TYW1: variants seen among roughly 807,000 people sequenced by gnomAD.
The protein encoded by TYW1 is S-adenosyl-L-methionine-dependent tRNA 4-demethylwyosine synthase TYW1.
TYW1 carries 46 observed loss-of-function variants against 96.2 expected under a neutral mutation model. The observed-to-expected ratio is 0.48, with a 90% CI of 0.38 to 0.61. The LOEUF (loss-of-function observed/expected upper bound fraction) is 0.61. Among genes scored for constraint, TYW1 ranks in the 20% least tolerant of loss-of-function variants. TYW1 has a pLI of 0.00. For synonymous variants in TYW1, 274 were observed against 323.0 expected (o/e 0.85, Z 1.63); for missense variants, 684 against 909.6 (o/e 0.75, Z 3.19).
chr7:67,034,504 A>G (rs1794772122), intron 7 of TYW1, among the ~76,000 whole-genome samples: 1 of 151,984 alleles, frequency 6.6e-6, no homozygotes, highest in African/African-American at 2.4e-5. Context: ...TAGTAACCAC[A>G]GTTTTCAGTT....
intron 11 of TYW1, among the ~76,000 whole-genome samples, chr7:67,094,823 G>GT (rs1471414399): frequency 1.3e-5 from 2 of 151,912 alleles, no homozygotes; most frequent in East Asian, 1.9e-4. Context: ...CATTCTCTTT[G>GT]TTTTTTTATT....
At chr7:67,236,496 C>A (rs1407119534) in intron 15 of TYW1, among the ~76,000 whole-genome samples, 1 of 152,192 alleles carries the variant, frequency 6.6e-6, no homozygotes, top group African/African-American at 2.4e-5. Context: ...ACCTTTGACT[C>A]TGCAGTTTCG....
In TYW1 at chr7:66,998,745, T is replaced by A. The variant is rs577921015; in HGVS notation, c.136-72T>A. Reference sequence around the variant, plus strand: ...AAATAAAATGTGTCAGTATCTGTGCTAATTTTCATCCCTGCTGAAGTTGGG... The same window carrying A: ...AAATAAAATGTGTCAGTATCTGTGCAAATTTTCATCCCTGCTGAAGTTGGG... On this transcript the variant is annotated intron_variant, in intron 2 of 15. Coordinates refer to ENST00000359626, the MANE Select transcript of TYW1 (RefSeq NM_018264.4). The A allele has an allele frequency of 1.8e-4, 285 of 1,548,650 alleles. 3 individuals carry two copies. The South Asian group carries it at 3.2e-3, about 17-fold the overall frequency.
At chr7:67,143,230 C>G (rs2116122675) in intron 13 of TYW1, among the ~76,000 whole-genome samples, 1 of 152,160 alleles carries the variant, frequency 6.6e-6, no homozygotes, top group East Asian at 1.9e-4. Context: ...ATAGTTACAA[C>G]TGGGATGTGG....
intron 10 of TYW1, among the ~76,000 whole-genome samples, chr7:67,080,940 G>GTTTTTTTTTTTTTTTT (rs71049495): frequency 5.4e-5 from 2 of 37,252 alleles, no homozygotes; most frequent in Non-Finnish European, 9.6e-5. Flanking sequence ...CTTTCTTACT[G>GTTTTTTTTTTTTTTTT]TTTTTTTTTT....
At chr7:67,161,160 A>G (rs895824499) in intron 13 of TYW1, among the ~76,000 whole-genome samples, 4 of 152,222 alleles carry the variant, frequency 2.6e-5, no homozygotes, top group Non-Finnish European at 5.9e-5. Flanking sequence ...AGCATAAAAT[A>G]CATGCTATGT....
At chr7:67,207,717 C>CTTTTTTTTTTTTTTTTTTTTTTTGTTT (rs749961615) in intron 15 of TYW1, among the ~76,000 whole-genome samples, 1 of 103,462 alleles carries the variant, frequency 9.7e-6, no homozygotes, top group Non-Finnish European at 1.9e-5. Flanking sequence ...TTTTGTTTGC[C>CTTTTTTTTTTTTTTTTTTTTTTTGTTT]TTTTTTTTTT....
At chr7:67,054,414 G>A (rs182143517) in intron 8 of TYW1, among the ~76,000 whole-genome samples, 2 of 152,306 alleles carry the variant, frequency 1.3e-5, no homozygotes, top group Admixed American at 1.3e-4. Context: ...AGAAGAACTA[G>A]AATTTCCTCT....
In TYW1 at chr7:67,158,082, ATTTTT is replaced by A. The variant is rs560215948; in HGVS notation, c.1699-25024_1699-25020del. ...CCTCTTAATTCCTTGTTTGCTGAGG[ATTTTT>A]TTTTTTTTTTTTTTTTTTTGTGATG... On this transcript the variant is annotated intron_variant, in intron 13 of 15. Transcript: ENST00000359626. 3.0e-3 allele frequency among the ~76,000 whole-genome samples: 306 copies of A among 102,160 alleles called. 3 individuals carry two copies. The East Asian group carries it at 0.049, about 16-fold the overall frequency. The allele number at this position is 102,160 out of a possible 152,430, so 67.0% of individuals were successfully genotyped here. A position where few individuals can be genotyped will look rare whatever the true frequency, so the allele number is the denominator to read the frequency against.
rs1584559434 is a variant in TYW1 at position 67,099,323 on chromosome 7, C to T, written c.1562+605C>T. ...CTGGCATTACAGGTGTGAGCCACTGCGCCTGGCCTAATTTTTATCTTTATG... is the reference window on the plus strand; with the variant it reads ...CTGGCATTACAGGTGTGAGCCACTGTGCCTGGCCTAATTTTTATCTTTATG... On this transcript the variant is annotated intron_variant, in intron 12 of 15. Transcript: ENST00000359626. Among the ~76,000 whole-genome samples the T allele has an allele frequency of 3.3e-5, 5 of 152,156 alleles. No homozygotes were observed. The South Asian group carries it at 8.3e-4, about 25-fold the overall frequency.
At chr7:67,031,192 C>CAAAA (rs60531853) in intron 7 of TYW1, among the ~76,000 whole-genome samples, 352 of 107,496 alleles carry the variant, frequency 3.3e-3, no homozygotes, top group Middle Eastern at 5.3e-3. Context: ...GACTCCATCT[C>CAAAA]AAAAAAAAAA....
intron 9 of TYW1, among the ~76,000 whole-genome samples, chr7:67,065,746 G>A (rs1702332914): frequency 6.6e-6 from 1 of 151,560 alleles, no homozygotes; most frequent in African/African-American, 2.4e-5. Context: ...TTGTGGACAG[G>A]CTTATATTAA....
Position 67,055,878 on chromosome 7 carries a change from G to A in TYW1, c.1146G>A (p.Arg382=). ...IGSHSGVKLC[R]WTKSMLRGRG... is the part of the protein sequence containing the mutation. The stretch of plus-strand genomic sequence containing the variant: ...GCCACTCGGGGGTGAAGCTTTGCAG[G>A]TGGACAAAGGTATTTTTTTTGTTTT... The change falls in exon 9 of 16, where the codon AGG becomes AGA. Residue 382 remains arginine (R), a synonymous_variant. Coordinates refer to ENST00000359626, the MANE Select transcript of TYW1 (RefSeq NM_018264.4). The A allele has an allele frequency of 6.2e-7, 1 of 1,612,514 alleles. No homozygotes were observed. Among genetic ancestry groups the A allele is most frequent in the Non-Finnish European group, 8.5e-7 (1 of 1,179,232 alleles).
At chr7:67,131,704 A>C (rs560336302) in intron 13 of TYW1, among the ~76,000 whole-genome samples, 1 of 152,340 alleles carries the variant, frequency 6.6e-6, no homozygotes, top group African/African-American at 2.4e-5. Flanking sequence ...GTCATCTGCA[A>C]GCTGAGGTGC....
chr7:67,167,489 AAAAAAG>A (rs1799377323), intron 13 of TYW1, among the ~76,000 whole-genome samples: 1 of 146,754 alleles, frequency 6.8e-6, no homozygotes, highest in East Asian at 2.0e-4. Context: ...AAAAAAAAAA[AAAAAAG>A]GAAAGTCATG....
intron 9 of TYW1, among the ~76,000 whole-genome samples, chr7:67,064,446 G>T (rs1169658853): frequency 1.3e-5 from 2 of 152,152 alleles, no homozygotes; most frequent in Non-Finnish European, 2.9e-5. Flanking sequence ...TTCTGTATTA[G>T]TCCGTTTTCA....
intron 13 of TYW1, among the ~76,000 whole-genome samples, chr7:67,161,517 C>T (rs12154409): frequency 6.6e-6 from 1 of 151,880 alleles, no homozygotes; most frequent in Non-Finnish European, 1.5e-5. Flanking sequence ...TTTTGCATGC[C>T]TGTGTGCTCT....
rs949573998 is a variant in TYW1, at chr7:67,117,515, G to A, written c.1595G>A (p.Ser532Asn). 2 of 1,612,370 alleles carry A rather than the reference G, an allele frequency of 1.2e-6. No individual in the cohort carries two copies. The highest frequency in any genetic ancestry group is 2.7e-5 in the African/African-American group (2 of 74,744). ...GAGCCGGTTACTCAGCTGTATGTCA[G>A]TGTGGATGCCAGTACCAAAGACAGC... is the stretch of plus-strand genomic sequence containing the variant. Reference protein sequence around the residue: ...NLEPVTQLYVSVDASTKDSLK... With the variant: ...NLEPVTQLYVNVDASTKDSLK... Residue 532 changes from serine (S) to asparagine (N), a missense_variant, in exon 13 of 16, where the codon AGT becomes AAT. Transcript: ENST00000359626.
chr7:67,221,752 C>G (rs1012500332), intron 15 of TYW1, among the ~76,000 whole-genome samples: 4 of 152,134 alleles, frequency 2.6e-5, no homozygotes, highest in Admixed American at 1.3e-4. Context: ...CAACAGCATA[C>G]AAAACTATGT....
Sources: gnomAD v4.1 joint callset for allele counts (sites outside exome capture counted in the v4.1 genomes callset) on GRCh38, gnomAD v4.1.1 for gene constraint, MANE v1.5 for transcripts, NCBI Gene and HGNC (gene_info 2026-07-23, HGNC 2026-07-21) for gene names.